FANCC: variants seen among roughly 807,000 people sequenced by gnomAD.
FANCC encodes FA complementation group C, also known as Fanconi anemia group C protein.
In FANCC, 55 loss-of-function variants were observed where a neutral mutation model predicts 71.3. The observed-to-expected ratio is 0.77, with a 90% CI of 0.62 to 0.97. The LOEUF (loss-of-function observed/expected upper bound fraction) is 0.97. Among genes scored for constraint, FANCC ranks in the 50% least tolerant of loss-of-function variants. FANCC has a pLI of 0.00. For missense variants in FANCC, 678 were observed against 670.9 expected, an observed-to-expected ratio of 1.01 and a Z score of -0.12; for synonymous variants, 275 against 244.9, an observed-to-expected ratio of 1.12 and a Z score of -1.15.
intron 4 of FANCC, among the ~76,000 whole-genome samples, chr9:95,229,079 C>A (rs1368824544): frequency 6.6e-6 from 1 of 152,122 alleles, no homozygotes; most frequent in Non-Finnish European, 1.5e-5. Flanking sequence ...AGGTGGATCA[C>A]CTGAGGTCAG....
intron 9 of FANCC, among the ~76,000 whole-genome samples, chr9:95,125,816 G>C (rs1308449367): frequency 6.6e-6 from 1 of 152,204 alleles, no homozygotes; most frequent in Non-Finnish European, 1.5e-5. Flanking sequence ...GGAGGGGCTA[G>C]AGAGAGAGCT....
At chr9:95,268,312 C>T (rs926944289) in intron 1 of FANCC, among the ~76,000 whole-genome samples, 3 of 152,212 alleles carry the variant, frequency 2.0e-5, no homozygotes, top group Admixed American at 6.5e-5. Context: ...TCCTTATTCA[C>T]CATCATGGTA....
intron 7 of FANCC, among the ~76,000 whole-genome samples, chr9:95,148,684 T>A (rs1829887733): frequency 6.6e-6 from 1 of 152,202 alleles, no homozygotes; most frequent in Non-Finnish European, 1.5e-5. Flanking sequence ...AATGAAGATT[T>A]TCCAAATGAA....
intron 10 of FANCC, among the ~76,000 whole-genome samples, chr9:95,122,158 C>T (rs751235776): frequency 2.6e-5 from 4 of 151,998 alleles, no homozygotes; most frequent in Non-Finnish European, 5.9e-5. Context: ...ACGCCTGGCA[C>T]ATAAAATTCA....
intron 4 of FANCC, among the ~76,000 whole-genome samples, chr9:95,188,782 TATA>T (rs1278216976): frequency 6.6e-6 from 1 of 152,190 alleles, no homozygotes; most frequent in Non-Finnish European, 1.5e-5. Flanking sequence ...CCCTGCCATT[TATA>T]ATCCCTACCT....
chr9:95,261,439 T>C (rs1832039167), intron 1 of FANCC, among the ~76,000 whole-genome samples: 1 of 152,152 alleles, frequency 6.6e-6, no homozygotes, highest in South Asian at 2.1e-4. Context: ...TTTTAAGAAA[T>C]AAAAAAGGTA....
chr9:95,195,217 A>C (rs1827370381), intron 4 of FANCC, among the ~76,000 whole-genome samples: 3 of 148,212 alleles, frequency 2.0e-5, no homozygotes, highest in Admixed American at 1.3e-4. Context: ...AAAAAAAAAA[A>C]AAAACCAACT....
intron 6 of FANCC, among the ~76,000 whole-genome samples, chr9:95,164,633 C>G (rs987512946): frequency 9.2e-5 from 14 of 152,048 alleles, no homozygotes; most frequent in Admixed American, 3.3e-4. Context: ...TCCTTGTATT[C>G]AAGGAATAAT....
intron 8 of FANCC, chr9:95,127,254 C>T (rs995389628): frequency 6.6e-6 from 1 of 152,664 alleles, no homozygotes; most frequent in Non-Finnish European, 1.5e-5. Flanking sequence ...TTCACTGGCC[C>T]AGTCCCTGGT....
intron 1 of FANCC, among the ~76,000 whole-genome samples, chr9:95,254,566 C>A (rs543897305): frequency 6.6e-6 from 1 of 152,346 alleles, no homozygotes; most frequent in African/African-American, 2.4e-5. Flanking sequence ...ACGCTTTTCC[C>A]ATGGTCTTCG....
intron 4 of FANCC, among the ~76,000 whole-genome samples, chr9:95,221,584 G>A (rs927622619): frequency 1.3e-5 from 2 of 151,972 alleles, no homozygotes; most frequent in African/African-American, 4.8e-5. Flanking sequence ...TTAAGAAAAT[G>A]AAAAGGCAAG....
chr9:95,135,578 GC>G (rs1827554010), intron 7 of FANCC, 76 bp from the exon 8 acceptor site: 13 of 1,259,222 alleles, frequency 1.0e-5, no homozygotes, highest in Middle Eastern at 1.9e-4. Flanking sequence ...AGTTCAAAAT[GC>G]AATCACTAAT....
intron 1 of FANCC, among the ~76,000 whole-genome samples, chr9:95,302,356 G>A (rs1834800688): frequency 6.6e-6 from 1 of 152,102 alleles, no homozygotes; most frequent in South Asian, 2.1e-4. Flanking sequence ...AGTGAGCCAG[G>A]GCAAATGATG....
At position 95,099,253 on chromosome 9, in the gene FANCC, T is replaced by TATCA. The variant is rs1416546134; in HGVS notation, c.*2450_*2453dup. ...CAGCATGCTTTATCAAAAACTAAAC[T>TATCA]ATCAGGGAGAGTCTACAAAAACTCC... On this transcript the variant is annotated 3_prime_UTR_variant, in exon 15 of 15. Transcript: ENST00000289081. The TATCA allele has an allele frequency of 1.4e-5, 3 of 219,060 alleles. No individual in the cohort carries two copies. The highest frequency in any genetic ancestry group is 1.3e-4 in the East Asian group (2 of 14,976). The allele number at this position is 219,060 out of a possible 1,614,324, so 13.6% of individuals were successfully genotyped here.
At chr9:95,146,211 T>C (rs1368531213) in intron 7 of FANCC, among the ~76,000 whole-genome samples, 3 of 152,082 alleles carry the variant, frequency 2.0e-5, no homozygotes, top group Non-Finnish European at 4.4e-5. Flanking sequence ...ATTGGGCCTG[T>C]CACAGTGGCT....
At chr9:95,137,983 G>A (rs976907267) in intron 7 of FANCC, among the ~76,000 whole-genome samples, 24 of 152,264 alleles carry the variant, frequency 1.6e-4, no homozygotes, top group Admixed American at 7.8e-4. Flanking sequence ...CCCAGGCGGC[G>A]GCCCAGAGGT....
intron 1 of FANCC, among the ~76,000 whole-genome samples, chr9:95,258,365 G>A (rs1285888068): frequency 1.3e-5 from 2 of 152,122 alleles, no homozygotes; most frequent in African/African-American, 4.8e-5. Flanking sequence ...TTCATCCCTG[G>A]GATGCAAGGC....
chr9:95,122,975 G>C (rs988665411), intron 10 of FANCC, among the ~76,000 whole-genome samples: 2 of 152,174 alleles, frequency 1.3e-5, no homozygotes, highest in African/African-American at 4.8e-5. Flanking sequence ...AACTTCTCCA[G>C]GGAAAGTGAG....
intron 7 of FANCC, among the ~76,000 whole-genome samples, chr9:95,137,564 A>G (rs1204989120): frequency 2.5e-4 from 38 of 152,106 alleles, no homozygotes; most frequent in Admixed American, 2.4e-3. Flanking sequence ...TCAGATGAAA[A>G]GAAGAGAAGA....
Sources: gnomAD v4.1 joint callset for allele counts (sites outside exome capture counted in the v4.1 genomes callset) on GRCh38, gnomAD v4.1.1 for gene constraint, MANE v1.5 for transcripts, NCBI Gene and HGNC (gene_info 2026-07-23, HGNC 2026-07-21) for gene names.